NMNAT3: variants seen among roughly 807,000 people sequenced by gnomAD.
NMNAT3 encodes the protein nicotinamide/nicotinic acid mononucleotide adenylyltransferase 3.
In NMNAT3, 21 loss-of-function variants were observed where a neutral mutation model predicts 24.8. That is an observed-to-expected ratio of 0.85 (90% CI 0.60 to 1.22). The LOEUF (loss-of-function observed/expected upper bound fraction) is 1.22. Ranked by LOEUF, NMNAT3 falls within the 50% of genes most tolerant of loss-of-function variation. NMNAT3 has a pLI of 0.00. For missense variants in NMNAT3, 387 were observed against 436.6 expected, an observed-to-expected ratio of 0.89 and a Z score of 1.01; for synonymous variants, 136 against 155.2, an observed-to-expected ratio of 0.88 and a Z score of 0.92.
chr3:139,643,061 T>C (rs2056758345), intron 1 of NMNAT3, among the ~76,000 whole-genome samples: 1 of 152,170 alleles, frequency 6.6e-6, no homozygotes, highest in African/African-American at 2.4e-5. Flanking sequence ...GGCAAAGGAC[T>C]TGAGTAGACA....
intron 6 of NMNAT3, chr3:139,565,935 C>G (rs1937123082): frequency 6.6e-6 from 1 of 152,190 alleles, no homozygotes; most frequent in Admixed American, 6.5e-5. Flanking sequence ...GAGGAATCGC[C>G]ACACTGAATT....
At chr3:139,618,804 G>C (rs2055628027) in intron 3 of NMNAT3, among the ~76,000 whole-genome samples, 2 of 152,204 alleles carry the variant, frequency 1.3e-5, no homozygotes, top group Admixed American at 1.3e-4. Flanking sequence ...GCACAGATCA[G>C]CTGGCTGTGG....
rs1017133669 is a variant in NMNAT3 at position 139,599,309 on chromosome 3, T to G, written c.110-16101A>C. ...ATTTGCCTCTTCCCTTTTGCAGACT[T>G]CAGTTCTGGGGCTTTTGCTGGGAGA... On this transcript the variant is annotated intron_variant, in intron 3 of 6. Coordinates refer to ENST00000643695, the MANE Select transcript of NMNAT3 (RefSeq NM_001320510.2). 20 of 702,442 alleles carry G rather than the reference T, an allele frequency of 2.8e-5. No individual in the cohort carries two copies. The Admixed American group carries it at 4.0e-4, about 14-fold the overall frequency. 43.5% of individuals were successfully genotyped at this position (702,442 alleles called of 1,614,324 possible).
rs552783195 is a variant in NMNAT3, at chr3:139,561,479, T to C, written c.659-87A>G. 29 of 1,281,232 alleles carry C rather than the reference T, an allele frequency of 2.3e-5. No homozygotes were observed. In the East Asian group the frequency reaches 2.4e-4, roughly 10 times the overall value. The allele number at this position is 1,281,232 out of a possible 1,614,324, so 79.4% of individuals were successfully genotyped here. A position where few individuals can be genotyped will look rare whatever the true frequency, so the allele number is the denominator to read the frequency against. ...TCATTGGAAAGTCTCACAAAATGCT[T>C]TTCTTGGATGTATCGAGAACTCAGT... is the stretch of plus-strand genomic sequence containing the variant. On this transcript the variant is annotated intron_variant, in intron 6 of 6. Transcript: ENST00000643695.
At chr3:139,660,675 C>G (rs540365987) in intron 1 of NMNAT3, among the ~76,000 whole-genome samples, 2 of 152,314 alleles carry the variant, frequency 1.3e-5, no homozygotes, top group Non-Finnish European at 2.9e-5. Flanking sequence ...ATTAAAGATA[C>G]TCAACACAGT....
intron 3 of NMNAT3, among the ~76,000 whole-genome samples, chr3:139,584,678 G>T (rs2053851865): frequency 1.3e-5 from 2 of 152,176 alleles, no homozygotes; most frequent in African/African-American, 4.8e-5. Context: ...TGCAGTCAGA[G>T]AATATACTCT....
chr3:139,591,058 C>T (rs925239920), intron 3 of NMNAT3, among the ~76,000 whole-genome samples: 32 of 151,800 alleles, frequency 2.1e-4, no homozygotes, highest in Non-Finnish European at 4.1e-4. Context: ...TCTGAGGTAC[C>T]GGGTTCATCT....
At chr3:139,661,134 CTG>C (rs1406546348) in intron 1 of NMNAT3, among the ~76,000 whole-genome samples, 3 of 152,130 alleles carry the variant, frequency 2.0e-5, no homozygotes, top group Non-Finnish European at 2.9e-5. Flanking sequence ...ACTCAGCCAA[CTG>C]TTTCTTATTT....
chr3:139,665,625 G>A (rs1176682587), intron 1 of NMNAT3, among the ~76,000 whole-genome samples: 4 of 151,996 alleles, frequency 2.6e-5, no homozygotes, highest in Non-Finnish European at 5.9e-5. Flanking sequence ...AGTGTTGTCT[G>A]TAACGGTAAA....
chr3:139,595,995 A>C (rs530014509), intron 3 of NMNAT3, among the ~76,000 whole-genome samples: 3 of 152,390 alleles, frequency 2.0e-5, no homozygotes, highest in Non-Finnish European at 2.9e-5. Flanking sequence ...TCTGCACAGC[A>C]AAAGAAACTA....
chr3:139,606,424 G>A (rs1485179372), intron 3 of NMNAT3, among the ~76,000 whole-genome samples: 5 of 152,136 alleles, frequency 3.3e-5, no homozygotes, highest in Non-Finnish European at 2.9e-5. Flanking sequence ...CTACATCAGA[G>A]GGTACATGAT....
chr3:139,624,451 C>CT lies in NMNAT3; in HGVS notation c.109+3164dup, dbSNP rs112859077. Among the ~76,000 whole-genome samples the CT allele has an allele frequency of 5.2e-3, 739 of 141,404 alleles. 5 individuals are homozygous for CT. Among genetic ancestry groups the CT allele is most frequent in the East Asian group, 0.033 (164 of 4,914 alleles). The allele number at this position is 141,404 out of a possible 152,430, so 92.8% of individuals were successfully genotyped here. ...TTCAGTTCTTTTACATTTATTGAGA[C>CT]TTTTTTTTTTTTTTGAGACAGAGTC... is the stretch of plus-strand genomic sequence containing the variant. On this transcript the variant is annotated intron_variant, in intron 3 of 6. Coordinates refer to ENST00000643695, the MANE Select transcript of NMNAT3 (RefSeq NM_001320510.2).
intron 4 of NMNAT3, among the ~76,000 whole-genome samples, chr3:139,582,190 CA>C (rs756159164): frequency 0.076 from 1,755 of 23,094 alleles, 29 homozygotes; most frequent in African/African-American, 0.2. Flanking sequence ...GACTCCCTCT[CA>C]AAAAAAAAAA....
chr3:139,603,624 C>T (rs543200360), intron 3 of NMNAT3, among the ~76,000 whole-genome samples: 4 of 152,202 alleles, frequency 2.6e-5, no homozygotes, highest in Admixed American at 1.3e-4. Flanking sequence ...CCGTGCCCAG[C>T]GAGACAACTG....
intron 3 of NMNAT3, among the ~76,000 whole-genome samples, chr3:139,611,359 T>A (rs2055205526): frequency 6.6e-6 from 1 of 152,232 alleles, no homozygotes; most frequent in African/African-American, 2.4e-5. Flanking sequence ...AGACAGTTTA[T>A]GTAGATCATC....
Position 139,561,120 on chromosome 3 carries a change from A to T in NMNAT3, c.931T>A (p.Tyr311Asn), listed in dbSNP as rs773942775. The T allele has an allele frequency of 6.2e-7, 1 of 1,614,030 alleles. No homozygotes were observed. The highest frequency in any genetic ancestry group is 1.3e-5 in the African/African-American group (1 of 74,922). The change falls in exon 7 of 7, where the codon TAC (tyrosine) becomes AAC (asparagine). Residue 311 changes from tyrosine (Y) to asparagine (N), a missense_variant. Around this residue, in one of 3 missense-constraint regions of NMNAT3, gnomAD observed 323 missense variants for 345.2 expected, o/e 0.94. Transcript: ENST00000643695. ...GTGATGACAGCATCGGGAATCAGGTACTTTACGCTCTGCCCTTGGCCCAAG... is the reference window on the plus strand; with the variant it reads ...GTGATGACAGCATCGGGAATCAGGTTCTTTACGCTCTGCCCTTGGCCCAAG...
At chr3:139,611,846 G>T (rs558562940) in intron 3 of NMNAT3, among the ~76,000 whole-genome samples, 1 of 152,278 alleles carries the variant, frequency 6.6e-6, no homozygotes, top group African/African-American at 2.4e-5. Context: ...TTCTTTCTGG[G>T]GGTATCTGTT....
At chr3:139,594,269 T>C (rs2054338626) in intron 3 of NMNAT3, among the ~76,000 whole-genome samples, 2 of 152,084 alleles carry the variant, frequency 1.3e-5, no homozygotes, top group Admixed American at 6.6e-5. Context: ...AAGGAAGAAG[T>C]TGAATCTCTG....
intron 3 of NMNAT3, among the ~76,000 whole-genome samples, chr3:139,610,739 A>T (rs549820163): frequency 5.3e-5 from 8 of 152,324 alleles, no homozygotes; most frequent in African/African-American, 1.9e-4. Context: ...AAATAGAATT[A>T]TCATAGCTTA....
Sources: allele counts gnomAD v4.1 joint callset (sites outside exome capture counted in the v4.1 genomes callset), GRCh38; gene constraint gnomAD v4.1.1; regional missense constraint gnomAD v4.1.1; transcripts MANE v1.5; gene names NCBI Gene and HGNC (gene_info 2026-07-23, HGNC 2026-07-21).